ZC3H13: variants seen among roughly 807,000 people sequenced by gnomAD.
ZC3H13 encodes the protein zinc finger CCCH domain-containing protein 13.
In ZC3H13, 64 loss-of-function variants were observed where a neutral mutation model predicts 204.1. The ratio of observed to expected loss-of-function variants is 0.31; its 90% CI spans 0.26 to 0.39. ZC3H13 has a LOEUF of 0.39. Ranked by LOEUF, ZC3H13 falls within the 10% of genes least tolerant of loss-of-function variation. The probability of loss-of-function intolerance (pLI) is 1.00; values close to 1 mark genes in which losing one functional copy is unlikely to be tolerated. For synonymous variants in ZC3H13, 667 were observed against 693.7 expected, an observed-to-expected ratio of 0.96 and a Z score of 0.60; for missense variants, 1,833 against 2,082.7, an observed-to-expected ratio of 0.88 and a Z score of 2.33.
At chr13:45,981,979 T>A (rs1385734349) in intron 10 of ZC3H13, among the ~76,000 whole-genome samples, 1 of 150,918 alleles carries the variant, frequency 6.6e-6, no homozygotes, top group African/African-American at 2.4e-5. Flanking sequence ...GTAACTAACC[T>A]GCACATTGTG....
chr13:45,968,867 C>A lies in ZC3H13; in HGVS notation c.3677G>T (p.Arg1226Ile), dbSNP rs969080112. 1 of 1,614,032 alleles carries A rather than the reference C, an allele frequency of 6.2e-7. No homozygotes were observed. Among genetic ancestry groups the A allele is most frequent in the African/African-American group, 1.3e-5 (1 of 74,922 alleles). Residue 1226 changes from arginine to isoleucine, a missense_variant, in exon 14 of 19, where the codon AGA becomes ATA. Transcript: ENST00000679008. ...ATCTCTTGAGCCACTGTGCAGTACT[C>A]TCTTTCGACCACTTTGGTCATCTCC... Reference protein sequence around the residue: ...RSGDDQSGRKRVLHSGSRDRE... With the variant: ...RSGDDQSGRKIVLHSGSRDRE...
At chr13:45,981,638 C>T (rs1010219321) in intron 10 of ZC3H13, among the ~76,000 whole-genome samples, 2 of 152,130 alleles carry the variant, frequency 1.3e-5, no homozygotes, top group Admixed American at 6.6e-5. Flanking sequence ...ACATCCTCTC[C>T]AGCACCTGTT....
chr13:46,027,391 C>T (rs1176193352), intron 4 of ZC3H13, among the ~76,000 whole-genome samples: 3 of 152,202 alleles, frequency 2.0e-5, no homozygotes, highest in African/African-American at 7.2e-5. Flanking sequence ...AGGCATGAGC[C>T]ACTGTGCCCG....
intron 8 of ZC3H13, among the ~76,000 whole-genome samples, chr13:46,002,909 T>TTA (rs3991884): frequency 0.75 from 113,870 of 151,786 alleles, 43,201 homozygotes; most frequent in African/African-American, 0.85. Context: ...ATGGTACATT[T>TTA]TGTTTTTTTA....
At chr13:45,989,230 GC>G in intron 8 of ZC3H13, 133 bp from the exon 9 acceptor site, 1 of 948,588 alleles carries the variant, frequency 1.1e-6, no homozygotes, top group South Asian at 1.8e-5. Flanking sequence ...AATTCACAAT[GC>G]TGTAAAATTC....
At chr13:46,047,126 T>C (rs1358862311) in intron 1 of ZC3H13, among the ~76,000 whole-genome samples, 7 of 152,102 alleles carry the variant, frequency 4.6e-5, no homozygotes, top group Non-Finnish European at 8.8e-5. Flanking sequence ...CAATAAAAAA[T>C]TATAAACAGT....
chr13:45,969,181 G>T lies in ZC3H13; in HGVS notation c.3363C>A (p.Ala1121=), dbSNP rs772900006. 13 of 1,613,842 alleles carry T rather than the reference G, an allele frequency of 8.1e-6. No homozygotes were observed. The change falls in exon 14 of 19, where the codon GCC becomes GCA. Residue 1121 remains alanine (A), a synonymous_variant. Coordinates refer to ENST00000679008, the MANE Select transcript of ZC3H13 (RefSeq NM_001330564.2). ...AAGAGGTGGCGGCAGCAGCAGTAGT[G>T]GCAGCAAGAGTTGCAGGCACAGTTG... ...TATTVPATLA[A]TTAAAATSFS... is the part of the protein sequence containing the mutation.
At chr13:46,023,061 C>A (rs1173936027) in intron 4 of ZC3H13, among the ~76,000 whole-genome samples, 1 of 152,058 alleles carries the variant, frequency 6.6e-6, no homozygotes, top group East Asian at 1.9e-4. Context: ...AGATAAAAAG[C>A]AAGCATTACA....
intron 8 of ZC3H13, among the ~76,000 whole-genome samples, chr13:45,991,357 ATAAT>A (rs2039957755): frequency 6.6e-6 from 1 of 152,228 alleles, no homozygotes; most frequent in Non-Finnish European, 1.5e-5. Flanking sequence ...CAAACTTAGG[ATAAT>A]CGGGCTATCA....
intron 3 of ZC3H13, among the ~76,000 whole-genome samples, chr13:46,044,303 GTTTTTGTGACAAAC>G (rs2043794498): frequency 6.6e-6 from 1 of 151,836 alleles, no homozygotes; most frequent in Non-Finnish European, 1.5e-5. Flanking sequence ...AGTTAAAACT[GTTTTTGTGACAAAC>G]TTTATGTATA....
chr13:46,008,055 G>A (rs2138607048), intron 7 of ZC3H13, among the ~76,000 whole-genome samples: 1 of 151,880 alleles, frequency 6.6e-6, no homozygotes, highest in South Asian at 2.1e-4. Flanking sequence ...AGCTTTCAGG[G>A]AAAAGTGTAA....
chr13:45,985,142 C>G (rs1227906007), intron 10 of ZC3H13, among the ~76,000 whole-genome samples, 155 bp downstream of exon 10: 1 of 151,948 alleles, frequency 6.6e-6, no homozygotes, highest in Non-Finnish European at 1.5e-5. Context: ...ACTAGTAATT[C>G]CAATTAGGAA....
At chr13:46,016,038 A>T (rs1390617174) in intron 5 of ZC3H13, among the ~76,000 whole-genome samples, 2 of 152,232 alleles carry the variant, frequency 1.3e-5, no homozygotes, top group Middle Eastern at 3.4e-3. Context: ...AAAAGTTTTC[A>T]ACTTCATTAG....
chr13:46,010,241 C>T (rs1000969831), intron 7 of ZC3H13, 107 bp downstream of exon 7: 2 of 1,135,706 alleles, frequency 1.8e-6, no homozygotes, highest in Admixed American at 3.0e-5. Flanking sequence ...AAAAAGCTTA[C>T]ATTAAATATA....
At chr13:45,975,218 TAAATG>T in intron 12 of ZC3H13, 60 bp downstream of exon 12, 1 of 1,543,624 alleles carries the variant, frequency 6.5e-7, no homozygotes, top group Non-Finnish European at 8.7e-7. Context: ...TGAAAAGCAT[TAAATG>T]AAACTTTGAA....
intron 7 of ZC3H13, among the ~76,000 whole-genome samples, chr13:46,003,935 T>C (rs765922472): frequency 2.0e-5 from 3 of 152,158 alleles, no homozygotes; most frequent in Non-Finnish European, 4.4e-5. Flanking sequence ...GACTTGGCAA[T>C]GATTTCTTGG....
intron 15 of ZC3H13, among the ~76,000 whole-genome samples, chr13:45,966,817 G>A (rs1376255584): frequency 6.6e-6 from 1 of 152,106 alleles, no homozygotes; most frequent in East Asian, 1.9e-4. Context: ...TGAATTTTGA[G>A]TAAGAAAGAT....
At chr13:45,958,922 G>A (rs1056116802) in intron 18 of ZC3H13, among the ~76,000 whole-genome samples, 2 of 152,012 alleles carry the variant, frequency 1.3e-5, no homozygotes, top group African/African-American at 4.8e-5. Context: ...CCAAAGTGCT[G>A]GGATTACAGG....
chr13:45,990,828 C>T (rs1328032612), intron 8 of ZC3H13, among the ~76,000 whole-genome samples: 2 of 152,024 alleles, frequency 1.3e-5, no homozygotes, highest in African/African-American at 2.4e-5. Context: ...GGCGGGGGGA[C>T]AAGGTCTCGC....
Sources: allele counts gnomAD v4.1 joint callset (sites outside exome capture counted in the v4.1 genomes callset), GRCh38; gene constraint gnomAD v4.1.1; transcripts MANE v1.5; gene names NCBI Gene and HGNC (gene_info 2026-07-23, HGNC 2026-07-21).